Variants in RELN observed in about 807,000 individuals in gnomAD.
RELN encodes reelin.
In RELN, 108 loss-of-function variants were observed where a neutral mutation model predicts 427.6. The observed-to-expected ratio is 0.25, with a 90% CI of 0.22 to 0.30. The LOEUF (loss-of-function observed/expected upper bound fraction) is 0.30. Among genes scored for constraint, RELN ranks in the 10% least tolerant of loss-of-function variants. RELN has a pLI of 1.00. For synonymous variants in RELN, 1,524 were observed against 1,513.4 expected (o/e 1.01, Z -0.16); for missense variants, 3,715 against 4,302.8 (o/e 0.86, Z 3.82).
intron 1 of RELN, among the ~76,000 whole-genome samples, chr7:103,976,973 A>G (rs1208239460): frequency 6.6e-6 from 1 of 152,042 alleles, no homozygotes. Flanking sequence ...GGATCACTTG[A>G]GCCCAAGAGG....
chr7:103,737,595 T>C (rs1231356669), intron 6 of RELN, among the ~76,000 whole-genome samples: 1 of 152,252 alleles, frequency 6.6e-6, no homozygotes, highest in Non-Finnish European at 1.5e-5. Context: ...CCCATCATCT[T>C]GAAATCTCAG....
At chr7:103,719,088 T>C (rs1287448530) in intron 8 of RELN, among the ~76,000 whole-genome samples, 1 of 152,202 alleles carries the variant, frequency 6.6e-6, no homozygotes, top group East Asian at 1.9e-4. Flanking sequence ...TTATTTTACT[T>C]TTAAAAAGTT....
At chr7:103,750,564 T>A (rs1790972952) in intron 5 of RELN, among the ~76,000 whole-genome samples, 1 of 152,212 alleles carries the variant, frequency 6.6e-6, no homozygotes, top group Non-Finnish European at 1.5e-5. Context: ...CAGTGTCTAA[T>A]TCACTTTAAA....
intron 60 of RELN, 145 bp downstream of exon 60, chr7:103,489,596 TA>T: frequency 2.1e-6 from 2 of 943,576 alleles, no homozygotes; most frequent in East Asian, 2.6e-5. Flanking sequence ...GTCCCAAAGT[TA>T]AAGAGTGACC....
chr7:103,794,622 A>T (rs1792252599), intron 3 of RELN, among the ~76,000 whole-genome samples: 1 of 152,188 alleles, frequency 6.6e-6, no homozygotes, highest in African/African-American at 2.4e-5. Flanking sequence ...CACCATATGA[A>T]ATGATGCAAT....
chr7:103,877,305 C>T (rs938375816), intron 2 of RELN, among the ~76,000 whole-genome samples: 4 of 152,092 alleles, frequency 2.6e-5, no homozygotes, highest in African/African-American at 4.8e-5. Flanking sequence ...TTGGACACTT[C>T]CATTTGAATA....
chr7:103,522,515 T>C (rs961285990), intron 47 of RELN, among the ~76,000 whole-genome samples: 2 of 152,212 alleles, frequency 1.3e-5, no homozygotes, highest in Non-Finnish European at 2.9e-5. Flanking sequence ...CAATGGGAGC[T>C]GCCAAAGTAA....
chr7:103,985,537 T>C (rs1336121578), intron 1 of RELN, among the ~76,000 whole-genome samples: 1 of 152,220 alleles, frequency 6.6e-6, no homozygotes, highest in African/African-American at 2.4e-5. Flanking sequence ...GAGGGGCAGT[T>C]CCTTACTGAC....
intron 2 of RELN, among the ~76,000 whole-genome samples, chr7:103,857,217 G>T (rs979587009): frequency 2.0e-5 from 3 of 152,126 alleles, no homozygotes; most frequent in African/African-American, 7.2e-5. Context: ...GCAACATCAA[G>T]ATCTCTTTCT....
intron 5 of RELN, among the ~76,000 whole-genome samples, chr7:103,751,264 T>C (rs1790992458): frequency 6.6e-6 from 1 of 152,174 alleles, no homozygotes; most frequent in African/African-American, 2.4e-5. Flanking sequence ...AAGGTGATAT[T>C]TTTATGTTTT....
At chr7:103,482,442 A>G (rs954505074) in intron 63 of RELN, among the ~76,000 whole-genome samples, 1 of 152,184 alleles carries the variant, frequency 6.6e-6, no homozygotes, top group South Asian at 2.1e-4. Context: ...TCTAGTTGCA[A>G]CCACATCATT....
At chr7:103,520,299 T>G (rs1829669762) in intron 48 of RELN, among the ~76,000 whole-genome samples, 1 of 152,138 alleles carries the variant, frequency 6.6e-6, no homozygotes, top group African/African-American at 2.4e-5. Context: ...ATTATTATTA[T>G]TTAATTTTTT....
At chr7:103,940,989 C>G (rs1277118769) in intron 1 of RELN, among the ~76,000 whole-genome samples, 5 of 152,120 alleles carry the variant, frequency 3.3e-5, no homozygotes, top group African/African-American at 1.2e-4. Context: ...TTCTAAAGGT[C>G]AAGAATGAAT....
chr7:103,786,517 C>CA (rs66567252), intron 3 of RELN, among the ~76,000 whole-genome samples: 3,711 of 98,474 alleles, frequency 0.038, 85 homozygotes, highest in Non-Finnish European at 0.042. Flanking sequence ...AAAATGGAAC[C>CA]AAAAAAAAAA....
intron 16 of RELN, among the ~76,000 whole-genome samples, chr7:103,645,432 A>G (rs1337409023): frequency 2.6e-5 from 4 of 151,866 alleles, no homozygotes; most frequent in African/African-American, 4.8e-5. Flanking sequence ...AAAGGGATGG[A>G]AAAACATATT....
intron 9 of RELN, among the ~76,000 whole-genome samples, chr7:103,698,722 C>T (rs185460610): frequency 6.6e-6 from 1 of 152,010 alleles, no homozygotes; most frequent in East Asian, 1.9e-4. Flanking sequence ...GCTATGTTGC[C>T]TGGGCTGGTC....
At chr7:103,474,509 C>CAACT (rs1166719712) in intron 64 of RELN, among the ~76,000 whole-genome samples, 2 of 152,090 alleles carry the variant, frequency 1.3e-5, no homozygotes, top group African/African-American at 2.4e-5. Context: ...TTACATGTAT[C>CAACT]AACTAAGTTG....
chr7:103,524,937 G>A (rs1829790691), intron 46 of RELN, among the ~76,000 whole-genome samples: 1 of 152,002 alleles, frequency 6.6e-6, no homozygotes, highest in African/African-American at 2.4e-5. Context: ...GAAACCCCTA[G>A]TCCCCTCCTT....
In RELN at chr7:103,472,037, C is replaced by CTGTT. The variant is rs1385355701; in HGVS notation, c.*771_*774dup. On this transcript the variant is annotated 3_prime_UTR_variant, in exon 65 of 65. Transcript: ENST00000428762. ...TATCACAGACAAAAAATGGCAGTTA[C>CTGTT]TGTTAGTAAATCAGCCACAGAACAC... The CTGTT allele has an allele frequency of 6.6e-6, 1 of 152,414 alleles. No individual in the cohort carries two copies. The highest frequency in any genetic ancestry group is 1.9e-4 in the East Asian group (1 of 5,198). The allele number at this position is 152,414 out of a possible 1,614,324, so 9.4% of individuals were successfully genotyped here. A position where few individuals can be genotyped will look rare whatever the true frequency, so the allele number is the denominator to read the frequency against.
Sources: allele counts gnomAD v4.1 joint callset (sites outside exome capture counted in the v4.1 genomes callset), GRCh38; gene constraint gnomAD v4.1.1; transcripts MANE v1.5; gene names NCBI Gene and HGNC (gene_info 2026-07-23, HGNC 2026-07-21).